The following TMPRSS7 variants were observed in gnomAD, a reference collection of about 807,000 sequenced individuals.
The protein encoded by TMPRSS7 is transmembrane protease serine 7.
Under a neutral mutation model 95.6 loss-of-function variants are expected in TMPRSS7, and 81 were observed. That is an observed-to-expected ratio of 0.85 (90% confidence interval 0.71 to 1.02). The LOEUF (loss-of-function observed/expected upper bound fraction) is 1.02, where lower values mean the gene tolerates loss of function less well. Among genes scored for constraint, TMPRSS7 ranks in the 50% least tolerant of loss-of-function variants. The probability of loss-of-function intolerance (pLI) is 0.00; values close to 1 mark genes in which losing one functional copy is unlikely to be tolerated. For missense variants in TMPRSS7, 945 were observed against 955.2 expected, an observed-to-expected ratio of 0.99 and a Z score of 0.14; for synonymous variants, 364 against 337.8, an observed-to-expected ratio of 1.08 and a Z score of -0.85.
In TMPRSS7 at chr3:112,069,662, G is replaced by T. The variant is rs548020301; in HGVS notation, c.1666+3160G>T. On this transcript the variant is annotated intron_variant, in intron 13 of 17. Coordinates refer to ENST00000452346, the Ensembl canonical transcript of TMPRSS7. Reference sequence around the variant, plus strand: ...TGCAGTTTGTATTTCTGTGGGATTGGTGGTGATATCCCCTTTATCATTTTT... The same window carrying T: ...TGCAGTTTGTATTTCTGTGGGATTGTTGGTGATATCCCCTTTATCATTTTT... 3.3e-5 allele frequency among the ~76,000 whole-genome samples: 5 copies of T among 152,142 alleles called. No homozygotes were observed. The East Asian group carries it at 7.7e-4, about 23-fold the overall frequency.
intron 9 of TMPRSS7, among the ~76,000 whole-genome samples, chr3:112,051,395 T>C (rs566983456): frequency 2.4e-4 from 36 of 152,262 alleles, no homozygotes; most frequent in Non-Finnish European, 4.1e-4. Context: ...TATAATATAC[T>C]TCAGTATCTG....
At chr3:112,037,790 G>C (rs924755384) in intron 1 of TMPRSS7, among the ~76,000 whole-genome samples, 9 of 152,108 alleles carry the variant, frequency 5.9e-5, no homozygotes, top group Admixed American at 5.2e-4. Flanking sequence ...AGGGAAAATA[G>C]AAAAGAACCT....
intron 17 of TMPRSS7, among the ~76,000 whole-genome samples, chr3:112,080,526 T>TCACTACTACTACTACTACTACCAC (rs1246041220): frequency 2.0e-4 from 26 of 131,984 alleles, no homozygotes; most frequent in African/African-American, 6.9e-4. Context: ...ATTTTAGCCC[T>TCACTACTACTACTACTACTACCAC]CACTACTACT....
At chr3:112,077,466 C>T (rs892291935) in intron 16 of TMPRSS7, among the ~76,000 whole-genome samples, 3 of 152,154 alleles carry the variant, frequency 2.0e-5, no homozygotes, top group East Asian at 1.9e-4. Context: ...CAATTCCTCC[C>T]TTTTCATTCA....
At chr3:112,075,369 A>G (rs2073699199) in exon 15 of TMPRSS7, 3 of 1,498,938 alleles carry the variant, frequency 2.0e-6, no homozygotes, top group Admixed American at 2.2e-5. Context: ...GGAGGCACAG[A>G]CACCCTGGAG....
rs551431539 is a variant in TMPRSS7 at position 112,043,646 on chromosome 3, T to A, written c.430-609T>A. On this transcript the variant is annotated intron_variant, in intron 3 of 17. Transcript: ENST00000452346. ...ATAGGAAGGGGAATACTAGAGAAAATGACTGGGGAGAAGAGAGTGAGTTTG... is the reference window on the plus strand; with the variant it reads ...ATAGGAAGGGGAATACTAGAGAAAAAGACTGGGGAGAAGAGAGTGAGTTTG... Among the ~76,000 whole-genome samples, 60 of 152,266 alleles carry A rather than the reference T, an allele frequency of 3.9e-4. No homozygotes were observed. In the Middle Eastern group the frequency reaches 0.01, roughly 26 times the overall value.
At chr3:112,038,468 G>T in intron 2 of TMPRSS7, 147 bp downstream of exon 2, 1 of 595,688 alleles carries the variant, frequency 1.7e-6, no homozygotes, top group Admixed American at 3.0e-5. Context: ...TGGTGTTGAT[G>T]GTTTTTTATT....
intron 5 of TMPRSS7, among the ~76,000 whole-genome samples, chr3:112,046,503 T>A (rs542985121): frequency 6.6e-6 from 1 of 152,322 alleles, no homozygotes; most frequent in South Asian, 2.1e-4. Context: ...TATAAATTTG[T>A]GTGTATTTAA....
chr3:112,048,171 T>G (rs1245592546), intron 7 of TMPRSS7, among the ~76,000 whole-genome samples: 1 of 152,186 alleles, frequency 6.6e-6, no homozygotes, highest in East Asian at 1.9e-4. Context: ...TGTTTTCCAC[T>G]TATAGCAAAT....
intron 1 of TMPRSS7, among the ~76,000 whole-genome samples, chr3:112,035,341 A>G (rs987762551): frequency 6.6e-6 from 1 of 152,202 alleles, no homozygotes; most frequent in African/African-American, 2.4e-5. Context: ...CCCAGTCCTC[A>G]TTCCTGCAGG....
chr3:112,050,076 G>T, intron 8 of TMPRSS7, 102 bp downstream of exon 8: 1 of 1,176,158 alleles, frequency 8.5e-7, no homozygotes, highest in East Asian at 2.6e-5. Flanking sequence ...CATTGTATTA[G>T]TCTGGGACTC....
intron 9 of TMPRSS7, among the ~76,000 whole-genome samples, chr3:112,056,275 A>G (rs2073432722): frequency 6.6e-6 from 1 of 152,240 alleles, no homozygotes; most frequent in Non-Finnish European, 1.5e-5. Flanking sequence ...TTAAGGCACT[A>G]TAAATGATAC....
At chr3:112,059,210 T>A (rs2073471299) in intron 10 of TMPRSS7, among the ~76,000 whole-genome samples, 1 of 152,224 alleles carries the variant, frequency 6.6e-6, no homozygotes, top group South Asian at 2.1e-4. Flanking sequence ...TTTGGTGTGC[T>A]AGAGTTTAGC....
At chr3:112,066,308 C>T in intron 12 of TMPRSS7, 84 bp from the exon 13 acceptor site, 1 of 1,158,580 alleles carries the variant, frequency 8.6e-7, no homozygotes, top group South Asian at 1.3e-5. Context: ...ATGATTTGTA[C>T]CTTGAGACTG....
intron 11 of TMPRSS7, 148 bp downstream of exon 11, chr3:112,062,071 T>A (rs73856303): frequency 0.021 from 7,380 of 354,148 alleles, 456 homozygotes; most frequent in African/African-American, 0.14. Context: ...TAAATAATAA[T>A]TATAAAATAC....
rs1376199783 is a variant in TMPRSS7 at position 112,078,834 on chromosome 3, A to T, written c.2317A>T (p.Met773Leu). ...CACCTACGGGATCATCACTTCTCGG[A>T]TGCTCTGTGCAGGCATAATGTCAGG... is the stretch of plus-strand genomic sequence containing the variant. Residue 773 changes from methionine (M) to leucine (L), a missense_variant, in exon 17 of 18, where the codon ATG becomes TTG. Physicochemically the swap from Met to Leu is conservative, Grantham distance 15. Transcript: ENST00000452346. The T allele has an allele frequency of 1.3e-5, 21 of 1,614,040 alleles. 1 individual carries two copies. In the Admixed American group the frequency reaches 3.3e-4, roughly 26 times the overall value.
chr3:112,049,983 T>C lies in TMPRSS7; in HGVS notation c.1090+9T>C. On this transcript the variant is annotated intron_variant, in intron 8 of 17. Transcript: ENST00000452346. ...GGTCATTCCAGAACAAAGTAAGTCTTCCCCAATTATGGAGAAGTCACTTTT... is the reference window on the plus strand; with the variant it reads ...GGTCATTCCAGAACAAAGTAAGTCTCCCCCAATTATGGAGAAGTCACTTTT... The C allele has an allele frequency of 6.5e-7, 1 of 1,532,896 alleles. No individual in the cohort carries two copies. The highest frequency in any genetic ancestry group is 8.8e-7 in the Non-Finnish European group (1 of 1,131,994). The allele number at this position is 1,532,896 out of a possible 1,614,324, so 95.0% of individuals were successfully genotyped here. A position where few individuals can be genotyped will look rare whatever the true frequency, so the allele number is the denominator to read the frequency against.
intron 13 of TMPRSS7, among the ~76,000 whole-genome samples, chr3:112,072,686 C>T (rs1376014227): frequency 6.6e-6 from 1 of 152,244 alleles, no homozygotes; most frequent in Non-Finnish European, 1.5e-5. Flanking sequence ...GGCGGACGCC[C>T]CTCCCTCAGC....
chr3:112,047,953 C>T (rs1255435495), exon 7 of TMPRSS7: 2 of 1,613,950 alleles, frequency 1.2e-6, no homozygotes, highest in East Asian at 2.2e-5. Context: ...CCATCCGGAG[C>T]AGCATCTTGT....
Sources: gnomAD v4.1 joint callset for allele counts (sites outside exome capture counted in the v4.1 genomes callset) on GRCh38, gnomAD v4.1.1 for gene constraint, MANE v1.5 for transcripts, NCBI Gene and HGNC (gene_info 2026-07-23, HGNC 2026-07-21) for gene names.